USP28: variants seen among roughly 807,000 people sequenced by gnomAD.
The protein encoded by USP28 is ubiquitin carboxyl-terminal hydrolase 28.
A neutral mutation model predicts 145.0 loss-of-function variants in USP28; 113 were observed. That is an observed-to-expected ratio of 0.78 (90% CI 0.67 to 0.91). The LOEUF (loss-of-function observed/expected upper bound fraction) is 0.91, where lower values mean the gene tolerates loss of function less well. USP28 is among the 40% of genes least tolerant of loss of function. USP28 has a pLI of 0.00. For missense variants in USP28, 1,201 were observed against 1,289.6 expected (o/e 0.93, Z 1.05); for synonymous variants, 447 against 450.9 (o/e 0.99, Z 0.11).
intron 1 of USP28, among the ~76,000 whole-genome samples, chr11:113,872,418 C>A (rs922953014): frequency 6.6e-6 from 1 of 150,670 alleles, no homozygotes; most frequent in East Asian, 1.9e-4. Flanking sequence ...ACCCGGGGGG[C>A]GGAGCTTGCA....
chr11:113,808,417 G>A (rs1378331678), exon 18 of USP28: 2 of 1,614,124 alleles, frequency 1.2e-6, no homozygotes, highest in East Asian at 2.2e-5. Flanking sequence ...CGAACCCCAT[G>A]AGAAGAGGCT....
chr11:113,834,193 C>T (rs948198397), intron 6 of USP28, 56 bp downstream of exon 6: 14 of 1,365,094 alleles, frequency 1.0e-5, no homozygotes, highest in African/African-American at 1.5e-5. Flanking sequence ...AATCTAGAAG[C>T]CTTAGGGATG....
intron 12 of USP28, chr11:113,821,522 G>T: frequency 4.9e-6 from 1 of 203,234 alleles, no homozygotes; most frequent in Non-Finnish European, 1.0e-5. Context: ...CTTTAGAAGG[G>T]CACCTCCAGC....
At chr11:113,863,962 G>A (rs1259872838) in intron 1 of USP28, among the ~76,000 whole-genome samples, 1 of 149,392 alleles carries the variant, frequency 6.7e-6, no homozygotes, top group Non-Finnish European at 1.5e-5. Flanking sequence ...AAAATTGCTG[G>A]TCACGGTGGC....
chr11:113,835,290 C>T (rs1407643683), intron 5 of USP28: 1 of 455,906 alleles, frequency 2.2e-6, no homozygotes, highest in Non-Finnish European at 4.4e-6. Context: ...AATGAAAACC[C>T]TCTCAGGCCT....
chr11:113,802,697 T>C (rs1006861083), intron 23 of USP28, among the ~76,000 whole-genome samples: 1 of 152,066 alleles, frequency 6.6e-6, no homozygotes, highest in Non-Finnish European at 1.5e-5. Flanking sequence ...ACCTTTATTT[T>C]AAAAAAATGG....
At chr11:113,808,723 A>C (rs902939323) in intron 17 of USP28, among the ~76,000 whole-genome samples, 2 of 152,262 alleles carry the variant, frequency 1.3e-5, no homozygotes, top group African/African-American at 4.8e-5. Flanking sequence ...AACTTTCTAC[A>C]AACAAGCATC....
rs77023437 is a variant in USP28 at position 113,850,589 on chromosome 11, G to A, written c.268+1912C>T. 2.7e-3 allele frequency among the ~76,000 whole-genome samples: 406 copies of A among 152,234 alleles called. 3 individuals carry two copies. Among genetic ancestry groups the A allele is most frequent in the African/African-American group, 8.2e-3 (340 of 41,548 alleles). On this transcript the variant is annotated intron_variant, in intron 3 of 24. Transcript: ENST00000003302. ...CCCAAATGTCCATTAACACCACCTC[G>A]CCTTCCTCCCAGAAGGTTCCAGAAG...
At chr11:113,822,359 G>A (rs1005837017) in intron 12 of USP28, 2 of 152,460 alleles carry the variant, frequency 1.3e-5, no homozygotes, top group African/African-American at 4.8e-5. Context: ...TGAGGCAGAA[G>A]AATCGCTTGA....
chr11:113,812,804 A>C (rs1179399756), intron 15 of USP28, among the ~76,000 whole-genome samples: 4 of 151,940 alleles, frequency 2.6e-5, no homozygotes, highest in African/African-American at 7.3e-5. Context: ...CTAATTCAAA[A>C]CTCTGTTTAT....
exon 12 of USP28, chr11:113,823,638 T>C: frequency 6.2e-7 from 1 of 1,612,680 alleles, no homozygotes; most frequent in South Asian, 1.1e-5. Context: ...TTTTATTTCC[T>C]CCTTCAACTT....
intron 12 of USP28, 174 bp from the exon 13 acceptor site, chr11:113,818,011 A>G (rs1942013108): frequency 3.6e-6 from 2 of 551,394 alleles, no homozygotes; most frequent in Non-Finnish European, 5.9e-6. Context: ...TCTAACTACA[A>G]AACTAAAAAT....
chr11:113,845,534 G>A (rs758464240), intron 3 of USP28, among the ~76,000 whole-genome samples: 6 of 152,230 alleles, frequency 3.9e-5, no homozygotes, highest in South Asian at 2.1e-4. Flanking sequence ...TAGAACAACC[G>A]TATGAACCAG....
At chr11:113,869,716 C>T (rs995076574) in intron 1 of USP28, among the ~76,000 whole-genome samples, 2 of 152,092 alleles carry the variant, frequency 1.3e-5, no homozygotes, top group African/African-American at 2.4e-5. Context: ...ATGGCAGACA[C>T]GAGTAATACA....
chr11:113,823,172 A>G (rs1377879885), intron 12 of USP28, among the ~76,000 whole-genome samples: 2 of 152,254 alleles, frequency 1.3e-5, no homozygotes, highest in African/African-American at 4.8e-5. Flanking sequence ...CAGAAATATT[A>G]GCCCTTTTAA....
chr11:113,810,283 A>G (rs1940765669), intron 16 of USP28, among the ~76,000 whole-genome samples: 1 of 152,218 alleles, frequency 6.6e-6, no homozygotes, highest in Non-Finnish European at 1.5e-5. Context: ...AATTTGATAC[A>G]ATGGTGAAAT....
At chr11:113,809,491 G>A (rs1052575497) in intron 16 of USP28, among the ~76,000 whole-genome samples, 27 of 152,178 alleles carry the variant, frequency 1.8e-4, no homozygotes, top group African/African-American at 6.3e-4. Context: ...TTATAGTTGA[G>A]CATCCCAAAT....
chr11:113,819,431 C>G (rs1006383093), intron 12 of USP28, among the ~76,000 whole-genome samples: 12 of 151,966 alleles, frequency 7.9e-5, no homozygotes, highest in African/African-American at 2.9e-4. Context: ...TATTCTTAAA[C>G]TGTAAAAGTA....
intron 10 of USP28, 193 bp downstream of exon 10, chr11:113,829,004 G>C: frequency 1.3e-6 from 1 of 763,020 alleles, no homozygotes; most frequent in South Asian, 1.5e-5. Context: ...CAAATTCATA[G>C]TTTTAGTAAA....
Sources: gnomAD v4.1 joint callset for allele counts (sites outside exome capture counted in the v4.1 genomes callset) on GRCh38, gnomAD v4.1.1 for gene constraint, MANE v1.5 for transcripts, NCBI Gene and HGNC (gene_info 2026-07-23, HGNC 2026-07-21) for gene names.